The following LRRC37A2 variants were observed in gnomAD, a reference collection of about 807,000 sequenced individuals.
The protein encoded by LRRC37A2 is leucine rich repeat containing 37 member A2.
Under a neutral mutation model 68.8 loss-of-function variants are expected in LRRC37A2, and 9 were observed. The ratio of observed to expected loss-of-function variants is 0.13; its 90% CI spans 0.08 to 0.23. The LOEUF is 0.23. LRRC37A2 is among the 10% of genes least tolerant of loss of function. The pLI, the probability that LRRC37A2 is intolerant of heterozygous loss-of-function variation, is 1.00. For synonymous variants in LRRC37A2, 63 were observed against 367.6 expected (o/e 0.17, Z 9.48); for missense variants, 168 against 950.4 (o/e 0.18, Z 10.82).
the LRRC37A2 span, among the ~76,000 whole-genome samples, chr17:46,791,299 C>T: frequency 5.9e-5 from 9 of 152,000 alleles, no homozygotes; most frequent in African/African-American, 1.7e-4. Flanking sequence ...CTGCAACCTC[C>T]GTCTTCCAGG....
the LRRC37A2 span, among the ~76,000 whole-genome samples, chr17:46,883,166 T>C: frequency 1.3e-4 from 19 of 151,870 alleles, no homozygotes; most frequent in Admixed American, 6.6e-5. Context: ...GTATTTTTAG[T>C]AGAGACGGGG....
chr17:46,771,539 A>ACAGCCCCGCTGTGC, the LRRC37A2 span, among the ~76,000 whole-genome samples: 1 of 148,312 alleles, frequency 6.7e-6, no homozygotes, highest in Admixed American at 6.7e-5. Flanking sequence ...AGCGGCGCTG[A>ACAGCCCCGCTGTGC]CAGCCCCGCT....
At chr17:46,966,100 C>A in the LRRC37A2 span, among the ~76,000 whole-genome samples, 1 of 152,014 alleles carries the variant, frequency 6.6e-6, no homozygotes, top group African/African-American at 2.4e-5. Context: ...TTCTCTCCTC[C>A]TCATCTTCTT....
the LRRC37A2 span, among the ~76,000 whole-genome samples, chr17:46,898,152 C>A: frequency 6.6e-6 from 1 of 152,162 alleles, no homozygotes; most frequent in South Asian, 2.1e-4. Flanking sequence ...CAAAGGCCAA[C>A]CTTTCTCCAC....
the LRRC37A2 span, chr17:47,018,581 A>G: frequency 6.6e-7 from 1 of 1,520,362 alleles, no homozygotes; most frequent in Admixed American, 1.7e-5. Context: ...ATCTGCTTCC[A>G]GAGTCATCGG....
At chr17:46,845,142 C>T in the LRRC37A2 span, among the ~76,000 whole-genome samples, 1 of 152,226 alleles carries the variant, frequency 6.6e-6, no homozygotes, top group Non-Finnish European at 1.5e-5. Context: ...AGCCACAGTG[C>T]CTGGTCTCCT....
the LRRC37A2 span, among the ~76,000 whole-genome samples, chr17:46,861,210 G>A: frequency 6.6e-6 from 1 of 152,358 alleles, no homozygotes; most frequent in South Asian, 2.1e-4. Flanking sequence ...CTGGGCATCT[G>A]TTGTCCTGTG....
At chr17:46,783,095 G>A in the LRRC37A2 span, among the ~76,000 whole-genome samples, 1 of 152,308 alleles carries the variant, frequency 6.6e-6, no homozygotes, top group Non-Finnish European at 1.5e-5. Flanking sequence ...CTCTCAACGG[G>A]GCCCTCTGGC....
the LRRC37A2 span, among the ~76,000 whole-genome samples, chr17:46,968,458 G>A: frequency 5.9e-5 from 9 of 152,328 alleles, no homozygotes; most frequent in African/African-American, 1.9e-4. Context: ...TGCGGGGACC[G>A]CTGGAGCAGA....
chr17:46,819,959 G>A, the LRRC37A2 span, among the ~76,000 whole-genome samples: 1 of 152,248 alleles, frequency 6.6e-6, no homozygotes, highest in African/African-American at 2.4e-5. The surrounding 1 kb of genome is among the most constrained non-coding windows in gnomAD (Gnocchi z 5.3). Flanking sequence ...GGTCTGGGGT[G>A]AAGGAAGCAC....
chr17:46,542,532 G>GAT (rs1024761002), intron 8 of LRRC37A2, among the ~76,000 whole-genome samples: 45 of 146,156 alleles, frequency 3.1e-4, no homozygotes, highest in East Asian at 6.1e-4. Flanking sequence ...TATAGATATA[G>GAT]ATATATATAT....
the LRRC37A2 span, chr17:46,876,875 G>A: frequency 1.4e-6 from 2 of 1,392,152 alleles, no homozygotes; most frequent in South Asian, 1.9e-5. Context: ...CCATTCCTTG[G>A]CCAGCCTTTT....
the LRRC37A2 span, chr17:46,979,118 C>G: frequency 8.8e-7 from 1 of 1,131,776 alleles, no homozygotes; most frequent in South Asian, 2.8e-5. Flanking sequence ...TCCTGCGGTA[C>G]GGGGAGGGGA....
chr17:46,817,381 C>CCCG, the LRRC37A2 span, among the ~76,000 whole-genome samples: 13 of 152,090 alleles, frequency 8.5e-5, no homozygotes, highest in African/African-American at 3.1e-4. Flanking sequence ...TCCCCCCGCC[C>CCCG]AGGCCAAGGC....
At chr17:46,830,928 A>G in the LRRC37A2 span, 1 of 396,542 alleles carries the variant, frequency 2.5e-6, no homozygotes, top group Admixed American at 4.4e-5. Context: ...TCTAATAAAG[A>G]GAGAAAGTCA....
the LRRC37A2 span, chr17:47,019,639 T>G: frequency 7.0e-7 from 1 of 1,425,628 alleles, no homozygotes; most frequent in South Asian, 1.1e-5. Flanking sequence ...GATAAGGCTT[T>G]AACTGCACCA....
the LRRC37A2 span, among the ~76,000 whole-genome samples, chr17:46,746,847 T>G: frequency 0.13 from 20,301 of 152,190 alleles, 1,851 homozygotes; most frequent in Non-Finnish European, 0.2. Context: ...GTACTGAATT[T>G]TCATGATTAT....
chr17:46,982,470 G>T, the LRRC37A2 span, among the ~76,000 whole-genome samples: 2 of 152,184 alleles, frequency 1.3e-5, no homozygotes, highest in African/African-American at 4.8e-5. Flanking sequence ...CATGCCCAGT[G>T]CATTAAATAC....
the LRRC37A2 span, among the ~76,000 whole-genome samples, chr17:46,946,479 A>G: frequency 0.013 from 1,866 of 142,438 alleles, 21 homozygotes; most frequent in Middle Eastern, 0.026. Context: ...AAAAAAAAAA[A>G]GTAGGTGGCC....
Sources: gnomAD v4.1 joint callset for allele counts (sites outside exome capture counted in the v4.1 genomes callset) on GRCh38, gnomAD v4.1.1 for gene constraint, Gnocchi (gnomAD v3.1) non-coding constraint, MANE v1.5 for transcripts, NCBI Gene and HGNC (gene_info 2026-07-23, HGNC 2026-07-21) for gene names.